LOC101059915: variants seen among roughly 807,000 people sequenced by gnomAD.
the LOC101059915 span, chrX:71,667,931 T>A: frequency 8.8e-7 from 1 of 1,140,573 alleles, no homozygotes; most frequent in East Asian, 3.3e-5. Context: ...GACCTCAATT[T>A]TGGGGGGCAG....
the LOC101059915 span, chrX:71,671,078 C>T: frequency 1.0e-3 from 1,143 of 1,130,472 alleles, 7 homozygotes; most frequent in African/African-American, 0.019. Context: ...ATTCAGGTGA[C>T]GGGTGGATGA....
At chrX:71,668,891 G>A in the LOC101059915 span, 1 of 1,113,508 alleles carries the variant, frequency 9.0e-7, no homozygotes, top group South Asian at 2.3e-5. Context: ...CCAGTGTCTG[G>A]CGTGGGGCTC....
chrX:71,669,109 C>T, the LOC101059915 span: 26 of 1,072,186 alleles, frequency 2.4e-5, no homozygotes, highest in Non-Finnish European at 3.2e-5. Context: ...TCCTCTGTCT[C>T]CCCCCACCCA....
the LOC101059915 span, chrX:71,670,761 C>A: frequency 9.2e-7 from 1 of 1,081,972 alleles, no homozygotes; most frequent in Non-Finnish European, 1.2e-6. Flanking sequence ...CTGGGACTGA[C>A]TTCCTCTGGG....
the LOC101059915 span, chrX:71,670,586 T>G: frequency 9.1e-7 from 1 of 1,099,626 alleles, no homozygotes; most frequent in Non-Finnish European, 1.2e-6. Context: ...TAACCATTTC[T>G]TTTCCACTGG....
At chrX:71,669,781 C>T in the LOC101059915 span, 16 of 919,832 alleles carry the variant, frequency 1.7e-5, no homozygotes, top group East Asian at 4.6e-4. Context: ...CTGGCTCTGT[C>T]GCTTCTGGGG....
the LOC101059915 span, chrX:71,670,876 C>G: frequency 1.3e-6 from 1 of 754,283 alleles, no homozygotes; most frequent in Non-Finnish European, 1.6e-6. Context: ...ACTTTGTCTA[C>G]AAGTCCCAGA....
At chrX:71,668,062 C>T in the LOC101059915 span, 14 of 1,156,873 alleles carry the variant, frequency 1.2e-5, no homozygotes, top group South Asian at 6.0e-5. Flanking sequence ...CCAGGAAGGC[C>T]GGCCTGGCAC....
chrX:71,670,468 C>G, the LOC101059915 span: 1 of 1,094,515 alleles, frequency 9.1e-7, no homozygotes, highest in Non-Finnish European at 1.2e-6. Flanking sequence ...TGCCTCCTTT[C>G]CATTGAGGGT....
At chrX:71,669,493 A>C in the LOC101059915 span, 1 of 900,206 alleles carries the variant, frequency 1.1e-6, no homozygotes, top group Non-Finnish European at 1.4e-6. Context: ...CCTTAACACA[A>C]CCCCTCCCCA....
the LOC101059915 span, chrX:71,669,693 G>A: frequency 1.0e-6 from 1 of 974,198 alleles, no homozygotes; most frequent in Non-Finnish European, 1.3e-6. Flanking sequence ...GACGCCTGGT[G>A]CCCAGATGCC....
the LOC101059915 span, chrX:71,669,133 A>G: frequency 9.7e-7 from 1 of 1,031,585 alleles, no homozygotes; most frequent in Non-Finnish European, 1.3e-6. Context: ...CTCTTCCAGC[A>G]CACGCCTCTT....
At chrX:71,668,882 C>A in the LOC101059915 span, 1 of 1,107,304 alleles carries the variant, frequency 9.0e-7, no homozygotes. Flanking sequence ...AGCTTCCCGC[C>A]AGTGTCTGGC....
chrX:71,670,437 C>T, the LOC101059915 span: 1 of 1,127,113 alleles, frequency 8.9e-7, no homozygotes, highest in Non-Finnish European at 1.2e-6. Context: ...CCTCTGCCTA[C>T]CATACCCCAT....
At chrX:71,671,021 C>G in the LOC101059915 span, 2 of 754,406 alleles carry the variant, frequency 2.7e-6, no homozygotes, top group Non-Finnish European at 3.1e-6. Context: ...TGGGATGGCC[C>G]AACACCTGAG....
chrX:71,669,816 C>A, the LOC101059915 span: 1 of 802,845 alleles, frequency 1.2e-6, no homozygotes, highest in Non-Finnish European at 1.6e-6. Context: ...CCAGGCTTCC[C>A]TGCCCACCCA....
the LOC101059915 span, chrX:71,668,074 C>A: frequency 8.7e-7 from 1 of 1,153,430 alleles, no homozygotes; most frequent in Middle Eastern, 3.1e-4. Flanking sequence ...GCCTGGCACC[C>A]CGGTCGACGA....
the LOC101059915 span, chrX:71,670,628 G>C: frequency 1.8e-6 from 2 of 1,105,546 alleles, no homozygotes; most frequent in Non-Finnish European, 2.4e-6. Context: ...TTGCTGCAGA[G>C]GGAAATTGAA....
At chrX:71,668,682 G>A in the LOC101059915 span, 11 of 1,077,492 alleles carry the variant, frequency 1.0e-5, no homozygotes, top group Non-Finnish European at 1.3e-5. Context: ...TGCAGAGCAT[G>A]GTGTGGGGAA....
Sources: allele counts gnomAD v4.1 joint callset, GRCh38; gene constraint gnomAD v4.1.1; transcripts MANE v1.5.